CUX1: variants seen among roughly 807,000 people sequenced by gnomAD.
CUX1 encodes cut like homeobox 1.
Under a neutral mutation model 158.8 loss-of-function variants are expected in CUX1, and 31 were observed. The observed-to-expected ratio is 0.20, with a 90% CI of 0.15 to 0.26. The LOEUF is 0.26. CUX1 is among the 10% of genes least tolerant of loss of function. The pLI, the probability that CUX1 is intolerant of heterozygous loss-of-function variation, is 1.00. For synonymous variants in CUX1, 879 were observed against 862.1 expected (o/e 1.02, Z -0.34); for missense variants, 1,589 against 2,014.6 (o/e 0.79, Z 4.04).
intron 1 of CUX1, among the ~76,000 whole-genome samples, chr7:101,894,619 C>T (rs1285062197): frequency 1.3e-5 from 2 of 152,164 alleles, no homozygotes; most frequent in Non-Finnish European, 2.9e-5. Context: ...GCCTATGGCG[C>T]AGGTTTTAAA....
chr7:102,081,623 A>G (rs1312768286), intron 4 of CUX1, among the ~76,000 whole-genome samples: 1 of 146,610 alleles, frequency 6.8e-6, no homozygotes, highest in Non-Finnish European at 1.5e-5. Context: ...TAAATTACGC[A>G]GTCTCAGGTA....
In CUX1 at chr7:101,958,056, C is replaced by T. The variant is rs1809983960; in HGVS notation, c.141+41831C>T. ...AGTGATTAAATGAGACAAAAGTATG[C>T]GAGCCCTTTGCTGGAACATGTTTCT... On this transcript the variant is annotated intron_variant, in intron 2 of 23. Coordinates refer to ENST00000292535, the MANE Select transcript of CUX1 (RefSeq NM_181552.4). 3.9e-5 allele frequency among the ~76,000 whole-genome samples: 6 copies of T among 152,164 alleles called. 1 individual carries two copies. The highest frequency in any genetic ancestry group is 3.3e-4 in the Admixed American group (5 of 15,270).
At chr7:102,207,846 G>C (rs1170323638) in intron 20 of CUX1, among the ~76,000 whole-genome samples, 1 of 152,198 alleles carries the variant, frequency 6.6e-6, no homozygotes, top group Admixed American at 6.5e-5. Flanking sequence ...AGAAAGAAAA[G>C]AGATTATCAT....
chr7:102,279,987 G>A (rs782695740), intron 18 of CUX1: 39 of 1,280,328 alleles, frequency 3.0e-5, no homozygotes, highest in Non-Finnish European at 3.7e-5. Context: ...TGCCCTTCCC[G>A]CTGGGCCCCA....
chr7:101,863,356 T>G (rs1156347497), intron 1 of CUX1, among the ~76,000 whole-genome samples: 4 of 149,288 alleles, frequency 2.7e-5, no homozygotes, highest in Admixed American at 6.6e-5. Context: ...TTTTTTTTTC[T>G]TCTTTTTTTT....
chr7:102,031,140 C>T lies in CUX1; in HGVS notation c.189+2995C>T, dbSNP rs183875112. 2.5e-3 allele frequency among the ~76,000 whole-genome samples: 383 copies of T among 152,304 alleles called. 2 individuals are homozygous for T. Among genetic ancestry groups the T allele is most frequent in the African/African-American group, 8.5e-3 (355 of 41,572 alleles). ...GTGGCACAATCTCAGCTCACCACAA[C>T]CTCCACCTCCCAGGTTCAAGCAATT... On this transcript the variant is annotated intron_variant, in intron 3 of 23. Coordinates refer to ENST00000292535, the MANE Select transcript of CUX1 (RefSeq NM_181552.4).
chr7:101,818,836 G>C (rs1045466169), intron 1 of CUX1: 25 of 152,210 alleles, frequency 1.6e-4, no homozygotes, highest in African/African-American at 9.6e-5. Context: ...TCAATAGAAC[G>C]AGTTTGGGAG....
At chr7:102,049,493 TAGG>T (rs1192385749) in intron 3 of CUX1, among the ~76,000 whole-genome samples, 1 of 152,034 alleles carries the variant, frequency 6.6e-6, no homozygotes, top group African/African-American at 2.4e-5. Flanking sequence ...GATTTAGAAG[TAGG>T]AGAAGAGGGG....
chr7:102,195,692 C>T, intron 14 of CUX1, 89 bp downstream of exon 14: 1 of 1,202,692 alleles, frequency 8.3e-7, no homozygotes, highest in Non-Finnish European at 1.2e-6. Context: ...TGAGTCTGGA[C>T]AGATGCATGG....
intron 1 of CUX1, among the ~76,000 whole-genome samples, chr7:101,848,302 CATA>C (rs1394027351): frequency 6.6e-6 from 1 of 151,986 alleles, no homozygotes; most frequent in African/African-American, 2.4e-5. Flanking sequence ...GCTCAGTTGG[CATA>C]ATGTCTTTTT....
intron 9 of CUX1, among the ~76,000 whole-genome samples, chr7:102,164,697 CAG>C (rs1325847926): frequency 1.3e-5 from 2 of 152,192 alleles, no homozygotes; most frequent in Non-Finnish European, 2.9e-5. Context: ...CTCCTTCCTG[CAG>C]AGTCAGTGAC....
At position 101,965,619 on chromosome 7, in the gene CUX1, G is replaced by A. The variant is rs530987753; in HGVS notation, c.141+49394G>A. Among the ~76,000 whole-genome samples the A allele has an allele frequency of 5.1e-4, 78 of 152,104 alleles. 1 individual carries two copies. In the South Asian group the frequency reaches 0.011, roughly 22 times the overall value. ...TCCCAGCACTTTGGGAGGCCGAGGT[G>A]GGCGGATCACGAGGTCAGGAGATCG... On this transcript the variant is annotated intron_variant, in intron 2 of 23. Transcript: ENST00000292535.
chr7:101,853,780 TG>T (rs1409180372), intron 1 of CUX1, among the ~76,000 whole-genome samples: 2 of 152,116 alleles, frequency 1.3e-5, no homozygotes, highest in East Asian at 3.9e-4. Flanking sequence ...GTGGTGCAGT[TG>T]GGAACTGTTA....
intron 4 of CUX1, among the ~76,000 whole-genome samples, chr7:102,080,309 G>A (rs536769369): frequency 1.2e-4 from 19 of 152,250 alleles, no homozygotes; most frequent in Admixed American, 1.0e-3. Context: ...TGGCACGCCG[G>A]GTATCTAGAC....
intron 12 of CUX1, among the ~76,000 whole-genome samples, 164 bp from the exon 13 acceptor site, chr7:102,193,678 G>A (rs560033543): frequency 6.6e-6 from 1 of 152,196 alleles, no homozygotes; most frequent in Non-Finnish European, 1.5e-5. Context: ...GATGGCACAT[G>A]CCTGTAATCC....
intron 2 of CUX1, among the ~76,000 whole-genome samples, chr7:101,919,936 G>A (rs1253669381): frequency 6.6e-6 from 1 of 152,046 alleles, no homozygotes; most frequent in Non-Finnish European, 1.5e-5. Flanking sequence ...AGCCTTGAAG[G>A]GTTTTTCTGG....
intron 4 of CUX1, among the ~76,000 whole-genome samples, chr7:102,078,804 G>A (rs1259820900): frequency 6.6e-6 from 1 of 152,162 alleles, no homozygotes; most frequent in Non-Finnish European, 1.5e-5. Context: ...GCATTTGTAG[G>A]CCATTCCATT....
rs781805849 is a variant in CUX1, at chr7:102,201,846, A to G, written c.2549A>G (p.Lys850Arg). The G allele has an allele frequency of 2.6e-5, 42 of 1,612,756 alleles. 1 individual carries two copies. In the Admixed American group the frequency reaches 7.0e-4, roughly 27 times the overall value. Residue 850 changes from lysine to arginine, a missense_variant, in exon 18 of 24, where the codon AAA (lysine) becomes AGA (arginine). By Grantham distance (26) the Lys-to-Arg change is conservative. Coordinates refer to ENST00000292535, the MANE Select transcript of CUX1 (RefSeq NM_181552.4). The surrounding 1 kb of genome is among the most constrained non-coding windows in gnomAD (Gnocchi z 5.0). ...AAGGCCGAAGAAACGGGCGGCGGGA[A>G]AGAGAAGGGCAGCGGTGGCAGCGGA... ...EAKAEETGGG[K>R]EKGSGGSGGG...
intron 3 of CUX1, among the ~76,000 whole-genome samples, chr7:102,060,689 T>C (rs1824739487): frequency 6.6e-6 from 1 of 150,654 alleles, no homozygotes. Context: ...CTTGGGTCAC[T>C]GCAACCTCCA....
Sources: gnomAD v4.1 joint callset for allele counts (sites outside exome capture counted in the v4.1 genomes callset) on GRCh38, gnomAD v4.1.1 for gene constraint, Gnocchi (gnomAD v3.1) non-coding constraint, MANE v1.5 for transcripts, NCBI Gene and HGNC (gene_info 2026-07-23, HGNC 2026-07-21) for gene names.